Variants in CDH18 observed in about 807,000 individuals in gnomAD.
CDH18 encodes cadherin-18.
CDH18 carries 31 observed loss-of-function variants against 67.9 expected under a neutral mutation model. That is an observed-to-expected ratio of 0.46 (90% CI 0.34 to 0.62). The LOEUF is 0.62. CDH18 is among the 20% of genes least tolerant of loss of function. The pLI, the probability that CDH18 is intolerant of heterozygous loss-of-function variation, is 0.01. For synonymous variants in CDH18, 362 were observed against 347.2 expected (o/e 1.04, Z -0.48); for missense variants, 890 against 975.5 (o/e 0.91, Z 1.17).
chr5:19,625,042 A>G (rs1004185323), intron 5 of CDH18, among the ~76,000 whole-genome samples: 2 of 128,880 alleles, frequency 1.6e-5, no homozygotes, highest in Non-Finnish European at 3.1e-5. Context: ...CAGATTAGTG[A>G]AAAAAAAAAA....
intron 1 of CDH18, among the ~76,000 whole-genome samples, chr5:20,502,937 C>A (rs999203409): frequency 6.6e-6 from 1 of 152,104 alleles, no homozygotes; most frequent in African/African-American, 2.4e-5. Flanking sequence ...ATTAACTATA[C>A]AATTAAACTT....
At chr5:19,540,417 G>A (rs1441748675) in intron 9 of CDH18, among the ~76,000 whole-genome samples, 1 of 152,114 alleles carries the variant, frequency 6.6e-6, no homozygotes, top group Non-Finnish European at 1.5e-5. Context: ...TCTGGAGGAT[G>A]TTGGCCCTCT....
At chr5:20,149,969 C>T (rs1211711824) in intron 2 of CDH18, among the ~76,000 whole-genome samples, 2 of 151,844 alleles carry the variant, frequency 1.3e-5, no homozygotes, top group African/African-American at 2.4e-5. Flanking sequence ...TTCAGAGTTG[C>T]CCACACATGG....
chr5:20,323,536 T>C (rs1738238857), intron 1 of CDH18, among the ~76,000 whole-genome samples: 2 of 152,212 alleles, frequency 1.3e-5, no homozygotes, highest in South Asian at 4.1e-4. Flanking sequence ...TGAAATTCAG[T>C]AGAGTACACA....
intron 2 of CDH18, among the ~76,000 whole-genome samples, chr5:20,154,798 C>G (rs1005497418): frequency 1.3e-5 from 2 of 152,184 alleles, no homozygotes; most frequent in Non-Finnish European, 2.9e-5. Flanking sequence ...TAACTGTGCT[C>G]TTCAAGTCCT....
chr5:19,779,141 C>G (rs749047024), intron 3 of CDH18, among the ~76,000 whole-genome samples: 2 of 151,996 alleles, frequency 1.3e-5, no homozygotes, highest in African/African-American at 4.8e-5. Flanking sequence ...AGAGGGAAAA[C>G]TGAGACTATG....
At chr5:19,964,443 AAG>A (rs1416149664) in intron 2 of CDH18, among the ~76,000 whole-genome samples, 1 of 151,318 alleles carries the variant, frequency 6.6e-6, no homozygotes, top group Non-Finnish European at 1.5e-5. Flanking sequence ...AGAAAAGAAA[AAG>A]AAATTATATG....
At chr5:19,644,102 T>A in intron 5 of CDH18, among the ~76,000 whole-genome samples, 1 of 152,176 alleles carries the variant, frequency 6.6e-6, no homozygotes, top group East Asian at 1.9e-4. Flanking sequence ...AAGAGATTTT[T>A]AGCTGTGGCT....
At chr5:20,148,083 T>G (rs547520958) in intron 2 of CDH18, among the ~76,000 whole-genome samples, 1 of 150,924 alleles carries the variant, frequency 6.6e-6, no homozygotes, top group East Asian at 2.0e-4. Flanking sequence ...TAGTGTCTTT[T>G]GTTTTGTTTT....
rs535699038 is a variant in CDH18, at chr5:19,472,524, G to C, written c.*702C>G. 5.3e-5 allele frequency among the ~76,000 whole-genome samples: 8 copies of C among 152,060 alleles called. No individual in the cohort carries two copies. The South Asian group carries it at 1.2e-3, about 24-fold the overall frequency. On this transcript the variant is annotated 3_prime_UTR_variant, in exon 13 of 13. Coordinates refer to ENST00000382275, the MANE Select transcript of CDH18 (RefSeq NM_004934.5). ...GAGTATCCCATTAAAATAAAAGGGG[G>C]TGTACGGGATAGAGACAATAGTCTC...
At chr5:19,501,006 G>A (rs762282603) in intron 11 of CDH18, among the ~76,000 whole-genome samples, 29 of 151,362 alleles carry the variant, frequency 1.9e-4, no homozygotes, top group Non-Finnish European at 2.9e-4. Flanking sequence ...GGTGGTGGGC[G>A]CCTGTAATCC....
chr5:19,695,876 C>A (rs945847826), intron 5 of CDH18, among the ~76,000 whole-genome samples: 25 of 152,040 alleles, frequency 1.6e-4, no homozygotes, highest in African/African-American at 6.0e-4. Context: ...CAGCCTCACA[C>A]CTAAAAATCA....
At chr5:19,476,415 A>G (rs1050124296) in intron 12 of CDH18, among the ~76,000 whole-genome samples, 10 of 152,094 alleles carry the variant, frequency 6.6e-5, no homozygotes, top group South Asian at 2.1e-4. Context: ...TATGTCAAAG[A>G]CATTGCTTAA....
intron 2 of CDH18, among the ~76,000 whole-genome samples, chr5:19,994,828 GAATATATATATATATATATATATAT>G (rs1735839086): frequency 3.5e-5 from 1 of 28,650 alleles, no homozygotes; most frequent in Non-Finnish European, 5.8e-5. Flanking sequence ...TATATAAAGA[GAATATATATATATATATATATATAT>G]ATAGAGAGAG....
chr5:20,354,663 A>T (rs936730192), intron 1 of CDH18, among the ~76,000 whole-genome samples: 1 of 152,082 alleles, frequency 6.6e-6, no homozygotes, highest in Non-Finnish European at 1.5e-5. Context: ...CCACCTACCT[A>T]GGTGTCCCAA....
intron 2 of CDH18, among the ~76,000 whole-genome samples, chr5:20,154,009 C>T (rs1367695447): frequency 2.0e-5 from 3 of 152,140 alleles, no homozygotes; most frequent in Non-Finnish European, 4.4e-5. Flanking sequence ...GTTGCTAAGA[C>T]CCTGAAATAC....
intron 2 of CDH18, among the ~76,000 whole-genome samples, chr5:20,156,983 G>A (rs1459877616): frequency 1.3e-5 from 2 of 152,116 alleles, no homozygotes; most frequent in African/African-American, 4.8e-5. Flanking sequence ...TGGAATGGAG[G>A]CTAGTTCCAA....
intron 1 of CDH18, among the ~76,000 whole-genome samples, chr5:19,986,042 T>G (rs1799523327): frequency 6.6e-6 from 1 of 152,184 alleles, no homozygotes; most frequent in African/African-American, 2.4e-5. Flanking sequence ...TTCATCAGAC[T>G]GCAAAAATCA....
intron 9 of CDH18, among the ~76,000 whole-genome samples, chr5:19,538,644 G>A (rs1219057124): frequency 1.3e-5 from 2 of 151,612 alleles, no homozygotes; most frequent in Admixed American, 1.3e-4. Flanking sequence ...TTCCCTACAG[G>A]GCCATATTAG....
Sources: allele counts gnomAD v4.1 joint callset (sites outside exome capture counted in the v4.1 genomes callset), GRCh38; gene constraint gnomAD v4.1.1; transcripts MANE v1.5; gene names NCBI Gene and HGNC (gene_info 2026-07-23, HGNC 2026-07-21).